The following MICU2 variants were observed in gnomAD, a reference collection of about 807,000 sequenced individuals.
MICU2 encodes mitochondrial calcium uptake 2.
In MICU2, 64 loss-of-function variants were observed where a neutral mutation model predicts 60.4. The ratio of observed to expected loss-of-function variants is 1.06; its 90% confidence interval spans 0.87 to 1.31. MICU2 has a LOEUF of 1.31. MICU2 is among the 50% of genes most tolerant of loss of function. The probability of loss-of-function intolerance (pLI) is 0.00; values close to 1 mark genes in which losing one functional copy is unlikely to be tolerated. For synonymous variants in MICU2, 201 were observed against 175.0 expected, an observed-to-expected ratio of 1.15 and a Z score of -1.17; for missense variants, 569 against 531.0, an observed-to-expected ratio of 1.07 and a Z score of -0.70.
intron 1 of MICU2, among the ~76,000 whole-genome samples, chr13:21,586,294 T>C (rs2138063753): frequency 6.6e-6 from 1 of 152,356 alleles, no homozygotes; most frequent in Admixed American, 6.5e-5. Flanking sequence ...AGAAGGAAAA[T>C]GTAGAATTAG....
intron 1 of MICU2, among the ~76,000 whole-genome samples, chr13:21,587,925 G>A (rs888246687): frequency 4.6e-5 from 7 of 152,128 alleles, no homozygotes; most frequent in African/African-American, 1.7e-4. Flanking sequence ...ATTCAAAGAA[G>A]TCAGACTTTG....
intron 4 of MICU2, chr13:21,531,161 C>T (rs1460751825): frequency 5.4e-6 from 5 of 920,538 alleles, no homozygotes; most frequent in South Asian, 1.3e-5. Context: ...TGCTAGAAAA[C>T]CACTGTGACA....
At chr13:21,586,660 C>T (rs574865479) in intron 1 of MICU2, among the ~76,000 whole-genome samples, 247 of 152,212 alleles carry the variant, frequency 1.6e-3, no homozygotes, top group African/African-American at 5.7e-3. Context: ...AATCCTCCTG[C>T]CTCGGCCTTC....
Position 21,566,960 on chromosome 13 carries a change from AT to A in MICU2, c.211-17del, listed in dbSNP as rs1178725567. The A allele has an allele frequency of 6.3e-7, 1 of 1,585,070 alleles. No individual in the cohort carries two copies. The highest frequency in any genetic ancestry group is 2.2e-5 in the East Asian group (1 of 44,668). On this transcript the variant is annotated splice_polypyrimidine_tract_variant and intron_variant, in intron 1 of 11. Coordinates refer to ENST00000382374, the MANE Select transcript of MICU2 (RefSeq NM_152726.3). ...CAACATTTTTCTAAAAGAAAAATAA[AT>A]TGCAATTGAAGATTTTTTCAGTGTT...
At chr13:21,568,904 T>G (rs1888043284) in intron 1 of MICU2, among the ~76,000 whole-genome samples, 1 of 152,160 alleles carries the variant, frequency 6.6e-6, no homozygotes, top group Non-Finnish European at 1.5e-5. Context: ...TGGTTACCAT[T>G]TTTATATGCT....
chr13:21,522,152 TTA>T (rs1396453823), intron 5 of MICU2, among the ~76,000 whole-genome samples: 5 of 152,218 alleles, frequency 3.3e-5, no homozygotes, highest in African/African-American at 1.2e-4. Flanking sequence ...AATCTGGGTT[TTA>T]TGTTTTTTCA....
chr13:21,539,791 AT>A, intron 2 of MICU2, 103 bp from the exon 3 acceptor site: 1 of 1,057,346 alleles, frequency 9.5e-7, no homozygotes, highest in Non-Finnish European at 1.4e-6. Flanking sequence ...ACAACTAAAT[AT>A]TTATTTAAAA....
chr13:21,552,601 T>G (rs1010005437), intron 2 of MICU2, among the ~76,000 whole-genome samples: 2 of 152,210 alleles, frequency 1.3e-5, no homozygotes, highest in Admixed American at 6.5e-5. Flanking sequence ...TGAATTAATT[T>G]TTGTATGAGG....
chr13:21,563,009 G>T (rs1401235109), intron 2 of MICU2, among the ~76,000 whole-genome samples: 1 of 152,074 alleles, frequency 6.6e-6, no homozygotes, highest in Non-Finnish European at 1.5e-5. Context: ...ACTAGATATA[G>T]AATTCTACAT....
intron 1 of MICU2, among the ~76,000 whole-genome samples, chr13:21,596,865 T>C (rs1043271372): frequency 1.3e-5 from 2 of 152,254 alleles, no homozygotes; most frequent in Admixed American, 6.5e-5. Context: ...TGGTGTAAAA[T>C]GTGTAACATG....
intron 4 of MICU2, among the ~76,000 whole-genome samples, chr13:21,534,446 A>T (rs898838188): frequency 6.6e-6 from 1 of 152,106 alleles, no homozygotes; most frequent in Non-Finnish European, 1.5e-5. Context: ...GGCTCAAGTG[A>T]TCCTTCTGCC....
intron 1 of MICU2, 53 bp downstream of exon 1, chr13:21,603,886 G>A (rs1329636956): frequency 2.3e-5 from 36 of 1,588,658 alleles, no homozygotes; most frequent in Non-Finnish European, 2.9e-5. Context: ...GCCTAAGGGC[G>A]TCAGGGGAGG....
intron 4 of MICU2, among the ~76,000 whole-genome samples, chr13:21,525,658 T>C (rs1271915595): frequency 2.0e-5 from 3 of 152,010 alleles, no homozygotes; most frequent in Non-Finnish European, 2.9e-5. Context: ...TTGATTTGCA[T>C]TTCCCTGATG....
intron 1 of MICU2, among the ~76,000 whole-genome samples, chr13:21,593,994 C>A (rs1888640398): frequency 6.6e-6 from 1 of 152,068 alleles, no homozygotes; most frequent in Non-Finnish European, 1.5e-5. Flanking sequence ...GACAAAAATG[C>A]CAAAAGTAAT....
intron 8 of MICU2, 106 bp downstream of exon 8, chr13:21,509,898 G>A: frequency 1.7e-6 from 1 of 591,994 alleles, no homozygotes; most frequent in Non-Finnish European, 2.8e-6. Flanking sequence ...TCCACAAACA[G>A]TATTTTAGTT....
At chr13:21,534,247 C>T (rs1887080074) in intron 4 of MICU2, among the ~76,000 whole-genome samples, 1 of 151,616 alleles carries the variant, frequency 6.6e-6, no homozygotes, top group Admixed American at 6.6e-5. Context: ...ACTCTATTGC[C>T]CAGGCTGGAG....
At chr13:21,519,041 T>C (rs2138161972) in intron 6 of MICU2, among the ~76,000 whole-genome samples, 1 of 152,268 alleles carries the variant, frequency 6.6e-6, no homozygotes, top group African/African-American at 2.4e-5. Context: ...AGCTGCCCAC[T>C]TTTTATTCTT....
At chr13:21,557,000 A>T (rs1213774512) in intron 2 of MICU2, among the ~76,000 whole-genome samples, 1 of 152,206 alleles carries the variant, frequency 6.6e-6, no homozygotes, top group Non-Finnish European at 1.5e-5. Flanking sequence ...CAAAGGGGAA[A>T]GATATTTGCA....
intron 4 of MICU2, chr13:21,531,139 T>C: frequency 1.1e-6 from 1 of 913,368 alleles, no homozygotes; most frequent in South Asian, 1.3e-5. Context: ...CTTGTGGTTA[T>C]CTATGAAGAC....
Sources: allele counts gnomAD v4.1 joint callset (sites outside exome capture counted in the v4.1 genomes callset), GRCh38; gene constraint gnomAD v4.1.1; transcripts MANE v1.5; gene names NCBI Gene and HGNC (gene_info 2026-07-23, HGNC 2026-07-21).